GMDS: variants seen among roughly 807,000 people sequenced by gnomAD.
The protein encoded by GMDS is GDP-mannose 4,6-dehydratase, also known as GDP-mannose 4,6 dehydratase.
GMDS carries 20 observed loss-of-function variants against 49.9 expected under a neutral mutation model. The ratio of observed to expected loss-of-function variants is 0.40; its 90% CI spans 0.28 to 0.58. GMDS has a LOEUF of 0.58. Ranked by LOEUF, GMDS falls within the 20% of genes least tolerant of loss-of-function variation. GMDS has a pLI of 0.42. For missense variants in GMDS, 362 were observed against 481.4 expected, an observed-to-expected ratio of 0.75 and a Z score of 2.32; for synonymous variants, 177 against 178.6, an observed-to-expected ratio of 0.99 and a Z score of 0.07.
At chr6:2,098,356 C>G (rs1773731157) in intron 4 of GMDS, among the ~76,000 whole-genome samples, 1 of 152,056 alleles carries the variant, frequency 6.6e-6, no homozygotes, top group Non-Finnish European at 1.5e-5. Context: ...CCGCGCCCAG[C>G]CACATAAATT....
At chr6:1,875,959 G>A (rs1316315391) in intron 7 of GMDS, among the ~76,000 whole-genome samples, 6 of 150,370 alleles carry the variant, frequency 4.0e-5, no homozygotes, top group Non-Finnish European at 5.9e-5. Flanking sequence ...CAGAGGTTGC[G>A]GTGAGCCGAG....
intron 4 of GMDS, among the ~76,000 whole-genome samples, chr6:2,009,674 C>T (rs1341832240): frequency 1.3e-5 from 2 of 152,002 alleles, no homozygotes; most frequent in African/African-American, 4.8e-5. Context: ...CCCAAAACAT[C>T]AGGAACAAAG....
At position 2,141,394 on chromosome 6, in the gene GMDS, T is replaced by G. The variant is rs79765569; in HGVS notation, c.103-16663A>C. Among the ~76,000 whole-genome samples, 3 of 152,320 alleles carry G rather than the reference T, an allele frequency of 2.0e-5. No individual in the cohort carries two copies. In the East Asian group the frequency reaches 5.8e-4, roughly 29 times the overall value. ...CAGGCCTGTTTATCATACGCACATGTAGAGCTGGAATAAAAACTGAATTTC... is the reference window on the plus strand; with the variant it reads ...CAGGCCTGTTTATCATACGCACATGGAGAGCTGGAATAAAAACTGAATTTC... On this transcript the variant is annotated intron_variant, in intron 1 of 10. Coordinates refer to ENST00000380815, the MANE Select transcript of GMDS (RefSeq NM_001500.4).
intron 1 of GMDS, among the ~76,000 whole-genome samples, chr6:2,231,220 T>A (rs147279039): frequency 9.5e-4 from 144 of 152,128 alleles, no homozygotes; most frequent in Middle Eastern, 3.4e-3. Context: ...TCCCTGGGTA[T>A]CTTGACTCCT....
chr6:2,047,331 C>T (rs1770081990), intron 4 of GMDS, among the ~76,000 whole-genome samples: 2 of 152,112 alleles, frequency 1.3e-5, no homozygotes, highest in Non-Finnish European at 2.9e-5. Flanking sequence ...TGTAATTTTA[C>T]CTTAACAACG....
chr6:1,669,670 T>C (rs1764351348), intron 9 of GMDS, among the ~76,000 whole-genome samples: 1 of 152,012 alleles, frequency 6.6e-6, no homozygotes, highest in Admixed American at 6.6e-5. Flanking sequence ...CCCAGCACTT[T>C]GGGAGGCTGA....
At chr6:1,714,858 C>T (rs1251464111) in intron 9 of GMDS, among the ~76,000 whole-genome samples, 6 of 152,188 alleles carry the variant, frequency 3.9e-5, no homozygotes, top group Non-Finnish European at 8.8e-5. Flanking sequence ...CTGTGGATGC[C>T]GGAGGCATCA....
At chr6:1,699,568 C>G (rs569509240) in intron 9 of GMDS, among the ~76,000 whole-genome samples, 1 of 152,162 alleles carries the variant, frequency 6.6e-6, no homozygotes, top group South Asian at 2.1e-4. Flanking sequence ...CTTCTAGAGG[C>G]GCCTACACCC....
At chr6:1,927,076 C>T (rs970433290) in intron 7 of GMDS, among the ~76,000 whole-genome samples, 3 of 145,096 alleles carry the variant, frequency 2.1e-5, no homozygotes, top group Non-Finnish European at 4.5e-5. Context: ...CAGAGGGTAG[C>T]GTGTTGGTGT....
chr6:2,183,769 A>G (rs996467808), intron 1 of GMDS, among the ~76,000 whole-genome samples: 2 of 152,116 alleles, frequency 1.3e-5, no homozygotes, highest in Admixed American at 1.3e-4. Context: ...AGCCACCCCA[A>G]CCTTCAGCAA....
At chr6:2,066,398 A>T (rs1466931470) in intron 4 of GMDS, among the ~76,000 whole-genome samples, 26 of 140,998 alleles carry the variant, frequency 1.8e-4, no homozygotes, top group Non-Finnish European at 3.7e-4. Context: ...TAATGACAGG[A>T]TCAAATTCAC....
At chr6:2,192,175 T>C (rs886397781) in intron 1 of GMDS, among the ~76,000 whole-genome samples, 1 of 151,878 alleles carries the variant, frequency 6.6e-6, no homozygotes, top group Non-Finnish European at 1.5e-5. Context: ...CTACAGGAGC[T>C]ACCCTCTCTG....
chr6:2,028,203 T>C (rs1243305248), intron 4 of GMDS, among the ~76,000 whole-genome samples: 2 of 152,212 alleles, frequency 1.3e-5, no homozygotes, highest in African/African-American at 2.4e-5. Context: ...CCATTTAGTT[T>C]AATTCATAAG....
intron 9 of GMDS, among the ~76,000 whole-genome samples, chr6:1,659,088 C>T (rs1028927531): frequency 3.3e-5 from 5 of 151,912 alleles, no homozygotes; most frequent in Non-Finnish European, 7.4e-5. Context: ...CTCTGTGGGG[C>T]GTATGCAGTT....
chr6:1,828,244 AAAG>A (rs1415079544), intron 7 of GMDS, among the ~76,000 whole-genome samples: 1 of 152,152 alleles, frequency 6.6e-6, no homozygotes, highest in Non-Finnish European at 1.5e-5. Flanking sequence ...TGAGAAACAG[AAAG>A]AAGAATGAAT....
At chr6:1,892,265 A>C (rs1759906050) in intron 7 of GMDS, among the ~76,000 whole-genome samples, 1 of 152,182 alleles carries the variant, frequency 6.6e-6, no homozygotes, top group Admixed American at 6.5e-5. Flanking sequence ...CTAGACTTGA[A>C]ATCCATCAGC....
chr6:2,012,667 T>C (rs1191382521), intron 4 of GMDS, among the ~76,000 whole-genome samples: 2 of 152,138 alleles, frequency 1.3e-5, no homozygotes, highest in East Asian at 3.9e-4. Context: ...ATATAGAGAA[T>C]GGCGGTTGAG....
intron 9 of GMDS, among the ~76,000 whole-genome samples, chr6:1,674,189 T>C (rs1255213069): frequency 6.6e-6 from 1 of 152,126 alleles, no homozygotes; most frequent in East Asian, 1.9e-4. Context: ...CAGCATTTGA[T>C]GTTAGTATTC....
intron 7 of GMDS, among the ~76,000 whole-genome samples, chr6:1,848,136 C>A (rs896633251): frequency 2.0e-5 from 3 of 152,170 alleles, no homozygotes; most frequent in Non-Finnish European, 2.9e-5. Context: ...TAGATCCACA[C>A]CGGCTACAGA....
Sources: allele counts gnomAD v4.1 joint callset (sites outside exome capture counted in the v4.1 genomes callset), GRCh38; gene constraint gnomAD v4.1.1; transcripts MANE v1.5; gene names NCBI Gene and HGNC (gene_info 2026-07-23, HGNC 2026-07-21).